Variants in GALNT7 observed in about 807,000 individuals in gnomAD.
The protein encoded by GALNT7 is polypeptide N-acetylgalactosaminyltransferase 7.
GALNT7 carries 60 observed loss-of-function variants against 82.1 expected under a neutral mutation model. The observed-to-expected ratio is 0.73, with a 90% CI of 0.59 to 0.91. The LOEUF (loss-of-function observed/expected upper bound fraction) is 0.91. Ranked by LOEUF, GALNT7 falls within the 40% of genes least tolerant of loss-of-function variation. The probability of loss-of-function intolerance (pLI) is 0.00; values close to 1 mark genes in which losing one functional copy is unlikely to be tolerated. For synonymous variants in GALNT7, 243 were observed against 275.1 expected (o/e 0.88, Z 1.15); for missense variants, 660 against 804.2 (o/e 0.82, Z 2.17).
chr4:173,215,221 CTCT>C (rs749733904), intron 1 of GALNT7, among the ~76,000 whole-genome samples: 7 of 149,342 alleles, frequency 4.7e-5, no homozygotes, highest in South Asian at 2.1e-4. Flanking sequence ...CCAACCTCTG[CTCT>C]TCTTCTTCTT....
chr4:173,294,998 A>G (rs1736669460), intron 3 of GALNT7, among the ~76,000 whole-genome samples: 3 of 152,164 alleles, frequency 2.0e-5, no homozygotes, highest in South Asian at 4.1e-4. Context: ...GTGCAATTGT[A>G]TAGTATTGTT....
intron 2 of GALNT7, among the ~76,000 whole-genome samples, chr4:173,261,986 AT>A (rs1561179193): frequency 1.3e-5 from 2 of 152,122 alleles, no homozygotes; most frequent in Admixed American, 1.3e-4. Flanking sequence ...TATGAAAATA[AT>A]TTTTTTAAAA....
rs1049773591 is a variant in GALNT7 at position 173,178,662 on chromosome 4, T to C, written c.126+9701T>C. On this transcript the variant is annotated intron_variant, in intron 1 of 11. Coordinates refer to ENST00000265000, the MANE Select transcript of GALNT7 (RefSeq NM_017423.3). ...GGGAGACCTGATTCACTTCACTGAATACAAGAACTGGTACACTGAAACTTG... is the reference window on the plus strand; with the variant it reads ...GGGAGACCTGATTCACTTCACTGAACACAAGAACTGGTACACTGAAACTTG... Among the ~76,000 whole-genome samples, 3 of 152,224 alleles carry C rather than the reference T, an allele frequency of 2.0e-5. No homozygotes were observed. The South Asian group carries it at 6.2e-4, about 31-fold the overall frequency.
chr4:173,321,690 G>A lies in GALNT7; in HGVS notation c.1947G>A (p.Trp649Ter). The change falls in exon 12 of 12, where the codon TGG becomes TGA. Residue 649 changes from tryptophan to a stop codon, truncating the protein, a stop_gained. Coordinates refer to ENST00000265000, the MANE Select transcript of GALNT7 (RefSeq NM_017423.3). LOFTEE classifies it high-confidence loss of function. ...NCDSSKTTQK[W>*]EMNNIHSV ...ACTCCAGTAAAACGACTCAAAAATG[G>A]GAAATGAATAACATCCATAGTGTTT... The A allele has an allele frequency of 1.2e-6, 2 of 1,607,858 alleles. No individual in the cohort carries two copies. Among genetic ancestry groups the A allele is most frequent in the South Asian group, 1.1e-5 (1 of 90,942 alleles).
At chr4:173,193,841 T>C (rs888549380) in intron 1 of GALNT7, among the ~76,000 whole-genome samples, 3 of 152,170 alleles carry the variant, frequency 2.0e-5, no homozygotes, top group African/African-American at 7.2e-5. Context: ...AATAAATCTG[T>C]TATTAGGGAG....
intron 8 of GALNT7, among the ~76,000 whole-genome samples, chr4:173,307,985 G>A (rs1203823048): frequency 2.0e-5 from 3 of 152,222 alleles, no homozygotes; most frequent in Non-Finnish European, 4.4e-5. Flanking sequence ...TAGGGAGCAG[G>A]CCTCTGGAAA....
chr4:173,240,461 C>T (rs529864614), intron 1 of GALNT7, among the ~76,000 whole-genome samples: 18 of 149,652 alleles, frequency 1.2e-4, no homozygotes, highest in Admixed American at 8.1e-4. Flanking sequence ...CTCTGCCTCC[C>T]GAGTTCAAGA....
chr4:173,172,791 A>G (rs769245491), intron 1 of GALNT7, among the ~76,000 whole-genome samples: 7 of 152,190 alleles, frequency 4.6e-5, no homozygotes, highest in Non-Finnish European at 1.0e-4. Context: ...GGAGATAAAT[A>G]TTGTTGGAAC....
intron 1 of GALNT7, among the ~76,000 whole-genome samples, chr4:173,237,378 TA>T (rs1734269094): frequency 6.6e-6 from 1 of 152,212 alleles, no homozygotes; most frequent in African/African-American, 2.4e-5. Context: ...CACAAAGTAG[TA>T]ACATTTCATG....
intron 1 of GALNT7, among the ~76,000 whole-genome samples, chr4:173,237,937 AGAG>A (rs1734290653): frequency 6.6e-6 from 1 of 152,162 alleles, no homozygotes. Context: ...AGTGGGCAGA[AGAG>A]GAGCAGATGT....
chr4:173,277,488 G>C (rs1424088460), intron 2 of GALNT7, among the ~76,000 whole-genome samples: 1 of 152,150 alleles, frequency 6.6e-6, no homozygotes, highest in African/African-American at 2.4e-5. Context: ...TGCAGAGAAG[G>C]ACTCTGATTG....
At chr4:173,194,211 C>T (rs542803921) in intron 1 of GALNT7, among the ~76,000 whole-genome samples, 6 of 152,148 alleles carry the variant, frequency 3.9e-5, no homozygotes, top group Admixed American at 3.9e-4. Context: ...AGGATGTAAA[C>T]TAATTGGGGT....
At chr4:173,252,592 G>A (rs17059255) in intron 2 of GALNT7, among the ~76,000 whole-genome samples, 8 of 152,042 alleles carry the variant, frequency 5.3e-5, no homozygotes, top group South Asian at 2.1e-4. Flanking sequence ...TGTTGATTGC[G>A]TGTTAAAAGG....
intron 1 of GALNT7, among the ~76,000 whole-genome samples, chr4:173,207,015 A>G (rs1291421614): frequency 6.6e-6 from 1 of 152,208 alleles, no homozygotes. Context: ...GCTCCTGTCT[A>G]TAACTGTTGG....
At chr4:173,315,885 A>G (rs537327248) in intron 9 of GALNT7, 3 of 152,356 alleles carry the variant, frequency 2.0e-5, no homozygotes, top group South Asian at 4.1e-4. Flanking sequence ...TTCTTGGTCA[A>G]AAACTTTGGA....
chr4:173,309,324 G>A (rs141358254), intron 8 of GALNT7, among the ~76,000 whole-genome samples: 176 of 152,226 alleles, frequency 1.2e-3, no homozygotes, highest in Admixed American at 4.7e-3. Flanking sequence ...TGTCATAGTC[G>A]CCGTCTTCCA....
At chr4:173,216,450 G>C (rs905698401) in intron 1 of GALNT7, among the ~76,000 whole-genome samples, 1 of 151,976 alleles carries the variant, frequency 6.6e-6, no homozygotes, top group Admixed American at 6.6e-5. Context: ...AGTACCAGTT[G>C]TATTGACTTA....
chr4:173,199,131 G>A (rs71609816), intron 1 of GALNT7, among the ~76,000 whole-genome samples: 4,644 of 152,094 alleles, frequency 0.031, 91 homozygotes, highest in Non-Finnish European at 0.048. Context: ...AATCTTTTTC[G>A]AGCATTATGT....
chr4:173,301,728 A>G (rs1042311986), intron 6 of GALNT7, among the ~76,000 whole-genome samples: 4 of 152,198 alleles, frequency 2.6e-5, no homozygotes, highest in Non-Finnish European at 5.9e-5. Context: ...AGTGAAAGAG[A>G]AAATTCTATT....
Sources: gnomAD v4.1 joint callset for allele counts (sites outside exome capture counted in the v4.1 genomes callset) on GRCh38, gnomAD v4.1.1 for gene constraint, MANE v1.5 for transcripts, NCBI Gene and HGNC (gene_info 2026-07-23, HGNC 2026-07-21) for gene names.